The following SS18 variants were observed in gnomAD, a reference collection of about 807,000 sequenced individuals.
SS18 encodes SS18 subunit of BAF chromatin remodeling complex, also known as protein SSXT.
Under a neutral mutation model 72.5 loss-of-function variants are expected in SS18, and 28 were observed. The ratio of observed to expected loss-of-function variants is 0.39; its 90% confidence interval spans 0.29 to 0.53. The LOEUF is 0.53. Among genes scored for constraint, SS18 ranks in the 20% least tolerant of loss-of-function variants. The probability of loss-of-function intolerance (pLI) is 0.76; values close to 1 mark genes in which losing one functional copy is unlikely to be tolerated. For missense variants in SS18, 518 were observed against 535.3 expected, an observed-to-expected ratio of 0.97 and a Z score of 0.32; for synonymous variants, 172 against 164.2, an observed-to-expected ratio of 1.05 and a Z score of -0.37.
chr18:26,071,768 C>A (rs1157700880), intron 3 of SS18, among the ~76,000 whole-genome samples: 1 of 151,958 alleles, frequency 6.6e-6, no homozygotes, highest in Non-Finnish European at 1.5e-5. Context: ...TTCGAAGCTG[C>A]AGTGAGCTAT....
chr18:26,086,545 CT>C, intron 2 of SS18, among the ~76,000 whole-genome samples: 1 of 152,184 alleles, frequency 6.6e-6, no homozygotes, highest in East Asian at 1.9e-4. Context: ...TACTCATTTA[CT>C]GTGTCTACTA....
chr18:26,061,950 T>C (rs550451808), intron 3 of SS18, among the ~76,000 whole-genome samples: 12 of 152,134 alleles, frequency 7.9e-5, no homozygotes, highest in Admixed American at 4.6e-4. Context: ...AAAGAAAGTA[T>C]AGGACAAGAC....
chr18:26,063,500 G>C (rs914768126), intron 3 of SS18, among the ~76,000 whole-genome samples: 12 of 152,140 alleles, frequency 7.9e-5, no homozygotes, highest in African/African-American at 2.4e-4. Context: ...CTGGGCGACA[G>C]AGCGAGACTC....
chr18:26,083,324 C>T (rs1000852390), intron 2 of SS18, among the ~76,000 whole-genome samples: 3 of 152,124 alleles, frequency 2.0e-5, no homozygotes, highest in African/African-American at 7.2e-5. Flanking sequence ...TAAACATACA[C>T]TATCCGTGAC....
chr18:26,046,229 GA>G lies in SS18; in HGVS notation c.607+6394del, dbSNP rs977480733. Reference sequence around the variant, plus strand: ...AAAAAAAAGAAGTAGAAAAAAAAAGGAAAAAAAAAGAAACACTGAGAATTAA... The same window carrying G: ...AAAAAAAAGAAGTAGAAAAAAAAAGGAAAAAAAAGAAACACTGAGAATTAA... On this transcript the variant is annotated intron_variant, in intron 5 of 10. Transcript: ENST00000415083. 5.1e-5 allele frequency among the ~76,000 whole-genome samples: 7 copies of G among 136,066 alleles called. 1 individual carries two copies. Among genetic ancestry groups the G allele is most frequent in the Non-Finnish European group, 9.1e-5 (6 of 65,660 alleles). The allele number at this position is 136,066 out of a possible 152,430, so 89.3% of individuals were successfully genotyped here.
intron 3 of SS18, among the ~76,000 whole-genome samples, chr18:26,076,105 T>C (rs1174834687): frequency 6.6e-6 from 1 of 151,934 alleles, no homozygotes; most frequent in Non-Finnish European, 1.5e-5. Flanking sequence ...GCTCACGATT[T>C]GGAAAACTCA....
chr18:26,031,497 C>G lies in SS18; in HGVS notation c.1230+902G>C, dbSNP rs1458208471. ...TAGCTTAAGTGGTGAACAAACCAGACCACCTTCACTGAAAAGTGCAGACAA... is the reference window on the plus strand; with the variant it reads ...TAGCTTAAGTGGTGAACAAACCAGAGCACCTTCACTGAAAAGTGCAGACAA... On this transcript the variant is annotated intron_variant, in intron 10 of 10. Transcript: ENST00000415083. 3.3e-5 allele frequency among the ~76,000 whole-genome samples: 5 copies of G among 152,300 alleles called. No individual in the cohort carries two copies. The East Asian group carries it at 9.6e-4, about 29-fold the overall frequency.
intron 3 of SS18, among the ~76,000 whole-genome samples, chr18:26,063,276 T>C (rs1370984915): frequency 6.6e-6 from 1 of 152,160 alleles, no homozygotes; most frequent in East Asian, 1.9e-4. Flanking sequence ...TCCCAGCACT[T>C]TGGGAGGCCA....
At position 26,072,669 on chromosome 18, in the gene SS18, C is replaced by T. The variant is rs143906569; in HGVS notation, c.231+5407G>A. Among the ~76,000 whole-genome samples the T allele has an allele frequency of 4.0e-3, 600 of 151,088 alleles. 2 individuals are homozygous for T. The highest frequency in any genetic ancestry group is 0.014 in the African/African-American group (565 of 41,286). On this transcript the variant is annotated intron_variant, in intron 3 of 10. Coordinates refer to ENST00000415083, the MANE Select transcript of SS18 (RefSeq NM_001007559.3). ...AAAATTAGCCAGGCGTAGTGGCGGG[C>T]GCCTGTAGTCCCAGCTACTAGGGAG...
intron 10 of SS18, among the ~76,000 whole-genome samples, chr18:26,025,415 G>C (rs1192881463): frequency 6.6e-6 from 1 of 151,940 alleles, no homozygotes; most frequent in African/African-American, 2.4e-5. Context: ...TGGGCAAAAG[G>C]CAATAAATAA....
chr18:26,018,428 C>G, intron 10 of SS18, 48 bp from the exon 11 acceptor site: 2 of 1,372,160 alleles, frequency 1.5e-6, no homozygotes, highest in South Asian at 2.5e-5. Context: ...TTGACCATAA[C>G]AGGCAAAGAA....
chr18:26,090,175 G>A (rs952229206), intron 1 of SS18: 10 of 373,764 alleles, frequency 2.7e-5, no homozygotes, highest in Non-Finnish European at 4.8e-5. Context: ...TCCGACACAC[G>A]CCCTTCCCTG....
chr18:26,073,459 CA>C (rs1287590751), intron 3 of SS18, among the ~76,000 whole-genome samples: 2 of 152,002 alleles, frequency 1.3e-5, no homozygotes, highest in Non-Finnish European at 2.9e-5. Context: ...TAATCATAAA[CA>C]AAAACATACA....
chr18:26,025,288 T>C lies in SS18; in HGVS notation c.1231-6908A>G, dbSNP rs73401861. Among the ~76,000 whole-genome samples, 624 of 152,148 alleles carry C rather than the reference T, an allele frequency of 4.1e-3. 5 individuals carry two copies. The highest frequency in any genetic ancestry group is 0.014 in the African/African-American group (601 of 41,542). ...GAAAGAAAGACAGTTCTTAAATCAA[T>C]GGGACTACAACTTCAATCTTAAGAA... On this transcript the variant is annotated intron_variant, in intron 10 of 10. Coordinates refer to ENST00000415083, the MANE Select transcript of SS18 (RefSeq NM_001007559.3).
intron 10 of SS18, 50 bp downstream of exon 10, chr18:26,032,349 C>G (rs754179506): frequency 1.9e-6 from 3 of 1,595,528 alleles, no homozygotes; most frequent in Non-Finnish European, 1.7e-6. Context: ...TTCACCTAAT[C>G]GAGAGTGAAG....
At position 26,060,771 on chromosome 18, in the gene SS18, C is replaced by CAAAAAAAAAA. The variant is rs60999827; in HGVS notation, c.232-3039_232-3030dup. On this transcript the variant is annotated intron_variant, in intron 3 of 10. Coordinates refer to ENST00000415083, the MANE Select transcript of SS18 (RefSeq NM_001007559.3). ...GAAACTCTGTCTCTACTAAAAATACCAAAAAAAAAAAAAAAAAAAAAAAAA... is the reference window on the plus strand; with the variant it reads ...GAAACTCTGTCTCTACTAAAAATACCAAAAAAAAAAAAAAAAAAAAAAAAAAAAAAAAAAA... 2.1e-3 allele frequency among the ~76,000 whole-genome samples: 82 copies of CAAAAAAAAAA among 39,612 alleles called. 15 individuals carry two copies. Among genetic ancestry groups the CAAAAAAAAAA allele is most frequent in the Non-Finnish European group, 2.8e-3 (50 of 17,608 alleles). The allele number at this position is 39,612 out of a possible 152,430, so 26.0% of individuals were successfully genotyped here.
In SS18 at chr18:26,028,646, A is replaced by G. The variant is rs114134630; in HGVS notation, c.1230+3753T>C. On this transcript the variant is annotated intron_variant, in intron 10 of 10. Coordinates refer to ENST00000415083, the MANE Select transcript of SS18 (RefSeq NM_001007559.3). ...CAAAACAATTATGCTGAGTAAAAGA[A>G]GCCAGATAAAAACCAGAACATACTA... is the stretch of plus-strand genomic sequence containing the variant. Among the ~76,000 whole-genome samples, 1,255 of 152,346 alleles carry G rather than the reference A, an allele frequency of 8.2e-3. 16 individuals are homozygous for G. Among genetic ancestry groups the G allele is most frequent in the African/African-American group, 0.029 (1,198 of 41,566 alleles).
At chr18:26,073,065 C>T (rs1248535480) in intron 3 of SS18, among the ~76,000 whole-genome samples, 1 of 151,982 alleles carries the variant, frequency 6.6e-6, no homozygotes, top group African/African-American at 2.4e-5. Context: ...ACACATGAAA[C>T]ATCTGTAAAA....
rs779096800 is a variant in SS18, at chr18:26,038,550, A to G, written c.880+5T>C. On this transcript the variant is annotated splice_donor_5th_base_variant and intron_variant, in intron 7 of 10. Coordinates refer to ENST00000415083, the MANE Select transcript of SS18 (RefSeq NM_001007559.3). The stretch of plus-strand genomic sequence containing the variant: ...AATGGGAAAGTTAACATCAGGAGAG[A>G]TTACCATCAGGGTAATATTGCTGGT... 6.2e-7 allele frequency: 1 copy of G among 1,608,542 alleles called. No homozygotes were observed. The highest frequency in any genetic ancestry group is 8.5e-7 in the Non-Finnish European group (1 of 1,175,116).
Sources: allele counts gnomAD v4.1 joint callset (sites outside exome capture counted in the v4.1 genomes callset), GRCh38; gene constraint gnomAD v4.1.1; transcripts MANE v1.5; gene names NCBI Gene and HGNC (gene_info 2026-07-23, HGNC 2026-07-21).